The following AGBL1 variants were observed in gnomAD, a reference collection of about 807,000 sequenced individuals.
AGBL1 encodes the protein AGBL carboxypeptidase 1.
In AGBL1, 130 loss-of-function variants were observed where a neutral mutation model predicts 118.9. The ratio of observed to expected loss-of-function variants is 1.09; its 90% CI spans 0.95 to 1.26. The LOEUF (loss-of-function observed/expected upper bound fraction) is 1.26, where lower values mean the gene tolerates loss of function less well. AGBL1 is among the 50% of genes most tolerant of loss of function. The probability of loss-of-function intolerance (pLI) is 0.00; values close to 1 mark genes in which losing one functional copy is unlikely to be tolerated. For synonymous variants in AGBL1, 555 were observed against 478.9 expected (o/e 1.16, Z -2.08); for missense variants, 1,584 against 1,298.1 (o/e 1.22, Z -3.38).
chr15:86,087,375 C>G (rs1397776080), intron 1 of AGBL1, among the ~76,000 whole-genome samples: 1 of 150,142 alleles, frequency 6.7e-6, no homozygotes, highest in Admixed American at 6.7e-5. Context: ...TTCACCCAGG[C>G]TGGAGTGCAG....
At chr15:86,773,502 C>G in intron 22 of AGBL1, among the ~76,000 whole-genome samples, 1 of 112,900 alleles carries the variant, frequency 8.9e-6, no homozygotes, top group African/African-American at 3.4e-5. Flanking sequence ...TCCCTCCCCC[C>G]TCCCCCCACC....
chr15:87,011,898 T>C (rs573859060), intron 24 of AGBL1, among the ~76,000 whole-genome samples: 1 of 152,190 alleles, frequency 6.6e-6, no homozygotes, highest in South Asian at 2.1e-4. Context: ...TTGCAGAAAA[T>C]CTATAAAGAG....
intron 16 of AGBL1, among the ~76,000 whole-genome samples, chr15:86,292,688 G>C (rs1161597030): frequency 6.6e-6 from 1 of 152,142 alleles, no homozygotes; most frequent in Admixed American, 6.6e-5. Flanking sequence ...GCATTGATTA[G>C]GGTTGGGTAA....
At chr15:86,929,978 G>A (rs1415772333) in intron 23 of AGBL1, among the ~76,000 whole-genome samples, 1 of 151,982 alleles carries the variant, frequency 6.6e-6, no homozygotes, top group African/African-American at 2.4e-5. Flanking sequence ...TAATATTTTG[G>A]TAAGCACATA....
chr15:86,535,433 C>T (rs1015549310), intron 19 of AGBL1, among the ~76,000 whole-genome samples: 1 of 152,334 alleles, frequency 6.6e-6, no homozygotes, highest in Non-Finnish European at 1.5e-5. Flanking sequence ...TGGACAGCCT[C>T]TTCTGAGCTG....
intron 5 of AGBL1, among the ~76,000 whole-genome samples, chr15:86,186,978 C>T (rs531231447): frequency 6.6e-6 from 1 of 152,320 alleles, no homozygotes; most frequent in African/African-American, 2.4e-5. Flanking sequence ...CCAGGCTATG[C>T]TTATTTCCAT....
chr15:86,872,134 C>T (rs932448115), intron 22 of AGBL1, among the ~76,000 whole-genome samples: 3 of 152,220 alleles, frequency 2.0e-5, no homozygotes, highest in Non-Finnish European at 2.9e-5. Context: ...GCCCCACGCA[C>T]ACGTGGGAGC....
In AGBL1 at chr15:86,562,718, G is replaced by T. The variant is rs568384122; in HGVS notation, c.2994+8181G>T. On this transcript the variant is annotated intron_variant, in intron 21 of 22. Transcript: ENST00000614907. ...GATTGGAATAGTTTCAGAAGGAATG[G>T]TACCAGCTCCTCCTTGTACCTCTGG... 3.3e-5 allele frequency among the ~76,000 whole-genome samples: 5 copies of T among 152,306 alleles called. No individual in the cohort carries two copies. In the East Asian group the frequency reaches 7.7e-4, roughly 23 times the overall value.
At chr15:86,917,204 T>A (rs1326997199), downstream of AGBL1, among the ~76,000 whole-genome samples, 6 of 152,120 alleles carry the variant, frequency 3.9e-5, no homozygotes, top group Admixed American at 6.5e-5. This position sits in a 1 kb window ranked among gnomAD's most constrained non-coding sequence, Gnocchi z 4.8. Flanking sequence ...TCAGGCTCGT[T>A]TCCTCCCCAC....
chr15:86,628,401 T>C (rs970863805), intron 21 of AGBL1, among the ~76,000 whole-genome samples: 1 of 152,212 alleles, frequency 6.6e-6, no homozygotes, highest in African/African-American at 2.4e-5. Flanking sequence ...TTTTCTCATA[T>C]GCAAGATGAG....
intron 17 of AGBL1, among the ~76,000 whole-genome samples, chr15:86,324,593 G>C (rs1019855814): frequency 2.0e-5 from 3 of 152,160 alleles, no homozygotes; most frequent in East Asian, 3.8e-4. Flanking sequence ...TTTATAGAGA[G>C]AGTTTCTGGT....
chr15:86,589,915 G>A (rs955619412), intron 21 of AGBL1, among the ~76,000 whole-genome samples: 2 of 152,056 alleles, frequency 1.3e-5, no homozygotes, highest in African/African-American at 2.4e-5. Flanking sequence ...ATCTTGTATA[G>A]CTACAGTAAA....
chr15:86,576,383 A>T (rs2084092339), intron 21 of AGBL1, among the ~76,000 whole-genome samples: 1 of 152,178 alleles, frequency 6.6e-6, no homozygotes, highest in Non-Finnish European at 1.5e-5. Context: ...CACTGAAAAA[A>T]AAATTATGGA....
intron 17 of AGBL1, among the ~76,000 whole-genome samples, chr15:86,311,355 A>C (rs2079918404): frequency 6.6e-6 from 1 of 152,202 alleles, no homozygotes; most frequent in Admixed American, 6.5e-5. Flanking sequence ...TAGAAAGAAA[A>C]ATGAAAGTCT....
chr15:86,320,722 CGT>C (rs3050863), intron 17 of AGBL1, among the ~76,000 whole-genome samples: 10,529 of 147,840 alleles, frequency 0.071, 1,137 homozygotes, highest in African/African-American at 0.24. Flanking sequence ...TGTGTGTGTG[CGT>C]GTGTGTGTGT....
intron 24 of AGBL1, among the ~76,000 whole-genome samples, chr15:87,022,904 A>T (rs1368578591): frequency 2.0e-5 from 3 of 152,034 alleles, no homozygotes; most frequent in Admixed American, 6.6e-5. Context: ...CAGGCAAACA[A>T]ATGCTGAGAG....
At chr15:86,780,347 A>G (rs2078317270) in intron 22 of AGBL1, among the ~76,000 whole-genome samples, 1 of 152,200 alleles carries the variant, frequency 6.6e-6, no homozygotes, top group Non-Finnish European at 1.5e-5. Context: ...TTTTATCTCA[A>G]TATCACACTG....
chr15:86,526,544 G>GTATATATATATATATA (rs1555422465), intron 19 of AGBL1, among the ~76,000 whole-genome samples: 21 of 119,426 alleles, frequency 1.8e-4, no homozygotes, highest in African/African-American at 6.2e-4. Flanking sequence ...TTGTGTCTGT[G>GTATATATATATATATA]TATATATATA....
At chr15:86,372,634 G>A (rs975757076) in intron 17 of AGBL1, among the ~76,000 whole-genome samples, 1 of 152,164 alleles carries the variant, frequency 6.6e-6, no homozygotes, top group Non-Finnish European at 1.5e-5. Flanking sequence ...ACAGACTTTT[G>A]GTTTTTTTCT....
Sources: gnomAD v4.1 joint callset for allele counts (sites outside exome capture counted in the v4.1 genomes callset) on GRCh38, gnomAD v4.1.1 for gene constraint, Gnocchi (gnomAD v3.1) non-coding constraint, MANE v1.5 for transcripts, NCBI Gene and HGNC (gene_info 2026-07-23, HGNC 2026-07-21) for gene names.